ABCA3: variants seen among roughly 807,000 people sequenced by gnomAD.
ABCA3 encodes phospholipid-transporting ATPase ABCA3.
A neutral mutation model predicts 172.8 loss-of-function variants in ABCA3; 88 were observed. The observed-to-expected ratio is 0.51, with a 90% CI of 0.43 to 0.61. The LOEUF (loss-of-function observed/expected upper bound fraction) is 0.61. ABCA3 is among the 20% of genes least tolerant of loss of function. The pLI, the probability that ABCA3 is intolerant of heterozygous loss-of-function variation, is 0.00. For missense variants in ABCA3, 2,164 were observed against 2,301.0 expected (o/e 0.94, Z 1.22); for synonymous variants, 1,066 against 983.8 (o/e 1.08, Z -1.56).
intron 3 of ABCA3, 47 bp downstream of exon 3, chr16:2,328,406 A>C (rs1487500257): frequency 2.2e-6 from 1 of 445,682 alleles, no homozygotes; most frequent in Non-Finnish European, 4.5e-6. Flanking sequence ...CACTGAACCC[A>C]GAGTTAAGTT....
At chr16:2,293,387 T>TC (rs1234869698) in intron 18 of ABCA3, among the ~76,000 whole-genome samples, 1 of 147,194 alleles carries the variant, frequency 6.8e-6, no homozygotes, top group Non-Finnish European at 1.5e-5. Context: ...TTTTTTTTTT[T>TC]TGGAGACAGG....
chr16:2,319,366 T>C (rs1443974472), intron 8 of ABCA3, among the ~76,000 whole-genome samples: 1 of 150,912 alleles, frequency 6.6e-6, no homozygotes, highest in Non-Finnish European at 1.5e-5. Flanking sequence ...GCACCTATAG[T>C]CCCAACTACT....
chr16:2,319,388 G>A (rs1411525911), intron 8 of ABCA3, among the ~76,000 whole-genome samples, 193 bp downstream of exon 8: 1 of 152,040 alleles, frequency 6.6e-6, no homozygotes, highest in Non-Finnish European at 1.5e-5. Flanking sequence ...GGGAGGCTGA[G>A]GCAGGAGAAT....
At position 2,288,104 on chromosome 16, in the gene ABCA3, A is replaced by C. The variant is rs200720375; in HGVS notation, c.2926T>G (p.Ser976Ala). 3.2e-5 allele frequency: 52 copies of C among 1,613,576 alleles called. No homozygotes were observed. The East Asian group carries it at 1.2e-3, about 36-fold the overall frequency. Reference sequence around the variant, plus strand: ...TCTGACAGCTGCTGACCCAGCTGGGAGGTCCCGGGAACTGAGAAGGGCACG... The same window carrying C: ...TCTGACAGCTGCTGACCCAGCTGGGCGGTCCCGGGAACTGAGAAGGGCACG... Reference protein sequence around the residue: ...TVVPFSVPGTSQLGQQLSEHL... With the variant: ...TVVPFSVPGTAQLGQQLSEHL... The change falls in exon 21 of 33, where the codon TCC (serine) becomes GCC (alanine). Residue 976 changes from serine to alanine, a missense_variant. By Grantham distance (99) the Ser-to-Ala change is moderately conservative (BLOSUM62 1). Coordinates refer to ENST00000301732, the MANE Select transcript of ABCA3 (RefSeq NM_001089.3).
Position 2,283,193 on chromosome 16 carries a change from C to T in ABCA3, c.4028G>A (p.Arg1343Gln), listed in dbSNP as rs201643902. ...RGILCALRRR[R>Q]TLTELYTRMP... Reference sequence around the variant, plus strand: ...GCTCCCGGAGCCACTCACCAGTGTCCGCCTCCTCCGGAGGGCGCAGAGGAT... The same window carrying T: ...GCTCCCGGAGCCACTCACCAGTGTCTGCCTCCTCCGGAGGGCGCAGAGGAT... Residue 1343 changes from arginine to glutamine, a missense_variant, in exon 26 of 33, where the codon CGG becomes CAG. Arg to Gln is a conservative substitution (Grantham distance 43). Transcript: ENST00000301732. The surrounding 1 kb of genome is among the most constrained non-coding windows in gnomAD (Gnocchi z 5.4). 147 of 1,612,846 alleles carry T rather than the reference C, an allele frequency of 9.1e-5. No homozygotes were observed. The highest frequency in any genetic ancestry group is 3.3e-4 in the Admixed American group (20 of 59,976).
In ABCA3 at chr16:2,308,419, A is replaced by G. The variant is rs892222543; in HGVS notation, c.1285+31T>C. The G allele has an allele frequency of 2.5e-6, 4 of 1,613,668 alleles. No individual in the cohort carries two copies. The African/African-American group carries it at 5.3e-5, about 22-fold the overall frequency. On this transcript the variant is annotated intron_variant, in intron 11 of 32. Coordinates refer to ENST00000301732, the MANE Select transcript of ABCA3 (RefSeq NM_001089.3). ...GTGCTCTCGAAGGTTACTGATTCGG[A>G]AAGAACAGGCTGGACAAGGCAAACA...
intron 7 of ABCA3, among the ~76,000 whole-genome samples, chr16:2,320,809 A>T (rs79535923): frequency 1.3e-5 from 2 of 152,136 alleles, no homozygotes; most frequent in East Asian, 3.9e-4. Context: ...CACACACGTT[A>T]TATCTCCTGG....
intron 7 of ABCA3, among the ~76,000 whole-genome samples, chr16:2,322,673 C>T (rs2093727964): frequency 6.6e-6 from 1 of 151,930 alleles, no homozygotes. Flanking sequence ...TTAAAGACTT[C>T]AATGTTAGGC....
Position 2,281,127 on chromosome 16 carries a change from G to A in ABCA3, c.4259C>T (p.Ala1420Val). The change falls in exon 28 of 33, where the codon GCC becomes GTC. Residue 1420 changes from alanine (A) to valine (V), a missense_variant. Around this residue, in one of 3 missense-constraint regions of ABCA3, gnomAD observed 795 missense variants for 881.9 expected, o/e 0.90. Coordinates refer to ENST00000301732, the MANE Select transcript of ABCA3 (RefSeq NM_001089.3). This position sits in a 1 kb window ranked among gnomAD's most constrained non-coding sequence, Gnocchi z 4.7. ...ECFGLLGFNGAGKTTTFKMLT... is the reference protein window; with the variant it reads ...ECFGLLGFNGVGKTTTFKMLT... ...CATTTTGAAAGTCGTGGTCTTCCCG[G>A]CTCCATTGAAGCCCAGCAGGCCGAA... 1.2e-6 allele frequency: 2 copies of A among 1,613,886 alleles called. No individual in the cohort carries two copies. The highest frequency in any genetic ancestry group is 1.7e-6 in the Non-Finnish European group (2 of 1,180,038).
intron 3 of ABCA3, among the ~76,000 whole-genome samples, chr16:2,327,889 T>C (rs2093736916): frequency 2.0e-5 from 3 of 152,060 alleles, no homozygotes; most frequent in African/African-American, 7.2e-5. Context: ...CCTGACTCAT[T>C]TTTATATTTT....
chr16:2,332,185 C>A (rs917269068), intron 1 of ABCA3: 1 of 348,152 alleles, frequency 2.9e-6, no homozygotes, highest in Non-Finnish European at 5.2e-6. Context: ...GCTCTTCAGG[C>A]GGCCAGTGCT....
intron 2 of ABCA3, 113 bp from the exon 3 acceptor site, chr16:2,328,870 C>T (rs2093738734): frequency 6.4e-6 from 1 of 155,708 alleles, no homozygotes; most frequent in African/African-American, 2.4e-5. Context: ...CCGACAATGA[C>T]CCGGGAGACT....
In ABCA3 at chr16:2,336,253, C is replaced by T. The variant is rs1359957652; in HGVS notation, c.-539+4320G>A. ...CAAAACATCTTCAACACCAGAATCTCCACCTACCCTGATAGCCCCTGAACA... is the reference window on the plus strand; with the variant it reads ...CAAAACATCTTCAACACCAGAATCTTCACCTACCCTGATAGCCCCTGAACA... On this transcript the variant is annotated intron_variant, in intron 1 of 32. Transcript: ENST00000301732. Among the ~76,000 whole-genome samples the T allele has an allele frequency of 1.8e-4, 28 of 152,152 alleles. 1 individual carries two copies. The highest frequency in any genetic ancestry group is 1.8e-3 in the Admixed American group (28 of 15,276).
Position 2,284,477 on chromosome 16 carries a change from C to T in ABCA3, c.3704-40G>A, listed in dbSNP as rs377661972. The T allele has an allele frequency of 1.0e-4, 165 of 1,611,096 alleles. No homozygotes were observed. The African/African-American group carries it at 2.0e-3, about 20-fold the overall frequency. On this transcript the variant is annotated intron_variant, in intron 24 of 32. Transcript: ENST00000301732. This position sits in a 1 kb window ranked among gnomAD's most constrained non-coding sequence, Gnocchi z 5.9. ...TAAGATCAGTCTGCGCTGGAGGGCA[C>T]ACCACACCCACCTCCAGGACGGGCC...
Position 2,279,871 on chromosome 16 carries a change from C to T in ABCA3, c.4360-741G>A, listed in dbSNP as rs2093652441. On this transcript the variant is annotated intron_variant, in intron 28 of 32. Transcript: ENST00000301732. This position sits in a 1 kb window ranked among gnomAD's most constrained non-coding sequence, Gnocchi z 4.4. ...AAGTGATTCTCATGCCTCAGGCTCC[C>T]GAGTAGCTAGGATTATAGGCACCTG... Among the ~76,000 whole-genome samples, 1 of 151,988 alleles carries T rather than the reference C, an allele frequency of 6.6e-6. No homozygotes were observed. The highest frequency in any genetic ancestry group is 1.5e-5 in the Non-Finnish European group (1 of 67,992).
At chr16:2,337,548 A>ATTTTTTTT (rs544223399) in intron 1 of ABCA3, among the ~76,000 whole-genome samples, 1 of 125,212 alleles carries the variant, frequency 8.0e-6, no homozygotes, top group African/African-American at 2.8e-5. Flanking sequence ...TAATTGTTTG[A>ATTTTTTTT]TTTTTTTTTT....
chr16:2,335,035 G>A (rs1447732734), intron 1 of ABCA3, among the ~76,000 whole-genome samples: 1 of 151,866 alleles, frequency 6.6e-6, no homozygotes, highest in African/African-American at 2.4e-5. Context: ...CACCATGTTG[G>A]CCAGGCTGGT....
chr16:2,309,257 C>T (rs575794491), intron 10 of ABCA3, among the ~76,000 whole-genome samples: 69 of 152,214 alleles, frequency 4.5e-4, no homozygotes, highest in Non-Finnish European at 4.3e-4. Context: ...GCCTAAGCCC[C>T]ACTTCTGCCT....
chr16:2,310,266 T>C (rs1181190592), intron 10 of ABCA3, among the ~76,000 whole-genome samples: 2 of 151,724 alleles, frequency 1.3e-5, no homozygotes, highest in African/African-American at 4.8e-5. Context: ...TAGCTGGGCA[T>C]GGGTGGTGGT....
Sources: gnomAD v4.1 joint callset for allele counts (sites outside exome capture counted in the v4.1 genomes callset) on GRCh38, gnomAD v4.1.1 for gene constraint, gnomAD v4.1.1 regional missense constraint, Gnocchi (gnomAD v3.1) non-coding constraint, MANE v1.5 for transcripts, NCBI Gene and HGNC (gene_info 2026-07-23, HGNC 2026-07-21) for gene names.